The following GRIP1 variants were observed in gnomAD, a reference collection of about 807,000 sequenced individuals.
GRIP1 encodes the protein glutamate receptor-interacting protein 1.
GRIP1 carries 45 observed loss-of-function variants against 129.9 expected under a neutral mutation model. The observed-to-expected ratio is 0.35, with a 90% CI of 0.27 to 0.44. The LOEUF is 0.44. GRIP1 is among the 20% of genes least tolerant of loss of function. GRIP1 has a pLI of 1.00. For synonymous variants in GRIP1, 530 were observed against 520.8 expected (o/e 1.02, Z -0.24); for missense variants, 1,196 against 1,396.8 (o/e 0.86, Z 2.29).
chr12:66,952,587 A>AT lies in GRIP1; in HGVS notation c.58+116462dup, dbSNP rs1373461217. On this transcript the variant is annotated intron_variant, in intron 1 of 1. Coordinates refer to the GRIP1 transcript ENST00000643019. ...TTGTTCATTTTTCTCCTTATTGATC[A>AT]TATCACCTTGCTCTTAGCTATGGTA... is the stretch of plus-strand genomic sequence containing the variant. Among the ~76,000 whole-genome samples the AT allele has an allele frequency of 2.0e-5, 3 of 152,340 alleles. No homozygotes were observed. In the East Asian group the frequency reaches 5.8e-4, roughly 29 times the overall value.
chr12:67,034,000 A>G (rs1231939218), intron 1 of GRIP1, among the ~76,000 whole-genome samples: 1 of 152,152 alleles, frequency 6.6e-6, no homozygotes, highest in Non-Finnish European at 1.5e-5. Flanking sequence ...CTGATGAAAA[A>G]CTTAAATTGT....
chr12:66,804,178 C>T (rs748232242), exon 1 of GRIP1: 2 of 455,330 alleles, frequency 4.4e-6, no homozygotes, highest in South Asian at 3.1e-5. Context: ...ACCCAGGAAG[C>T]GGTCCATCTC....
chr12:66,835,527 T>C (rs1438784674), intron 1 of GRIP1, among the ~76,000 whole-genome samples: 1 of 152,078 alleles, frequency 6.6e-6, no homozygotes, highest in Non-Finnish European at 1.5e-5. Context: ...GGTGACGGGA[T>C]AAATAAACTG....
At chr12:66,376,592 A>G (rs562664837) in intron 22 of GRIP1, among the ~76,000 whole-genome samples, 48 of 152,320 alleles carry the variant, frequency 3.2e-4, no homozygotes, top group African/African-American at 1.1e-3. Flanking sequence ...ATTAACAGCA[A>G]TGTACTGTGT....
chr12:66,996,059 A>C (rs1441318589), intron 1 of GRIP1, among the ~76,000 whole-genome samples: 1 of 152,196 alleles, frequency 6.6e-6, no homozygotes, highest in Non-Finnish European at 1.5e-5. Flanking sequence ...TATTGTATGA[A>C]TCCATTTATA....
intron 2 of GRIP1, among the ~76,000 whole-genome samples, chr12:66,591,479 T>C (rs2063844460): frequency 6.6e-6 from 1 of 151,794 alleles, no homozygotes; most frequent in Admixed American, 6.6e-5. Flanking sequence ...CCCTTGGTAT[T>C]TTCCCCATGT....
At position 66,675,729 on chromosome 12, in the gene GRIP1, T is replaced by C. The variant is rs554979993; in HGVS notation, c.55+3121A>G. Among the ~76,000 whole-genome samples the C allele has an allele frequency of 1.6e-4, 25 of 152,342 alleles. No homozygotes were observed. In the South Asian group the frequency reaches 4.6e-3, roughly 28 times the overall value. On this transcript the variant is annotated intron_variant, in intron 1 of 24. Transcript: ENST00000359742. ...TTGGGTAATTGGTAGACTCTCATTC[T>C]GGAGGAAGAAAAGAACGGCATTGCT...
At chr12:66,836,753 T>C (rs917064877) in intron 1 of GRIP1, among the ~76,000 whole-genome samples, 1 of 152,220 alleles carries the variant, frequency 6.6e-6, no homozygotes. Context: ...AGTGTTCACA[T>C]TTATGAACTT....
intron 1 of GRIP1, among the ~76,000 whole-genome samples, chr12:66,940,523 C>T (rs1004066107): frequency 1.3e-5 from 2 of 152,102 alleles, no homozygotes; most frequent in Admixed American, 1.3e-4. Context: ...GGTGGCAGTG[C>T]ATCAGTAAAG....
chr12:66,808,462 T>C (rs1266048651), upstream of GRIP1, among the ~76,000 whole-genome samples: 1 of 152,080 alleles, frequency 6.6e-6, no homozygotes, highest in African/African-American at 2.4e-5. Context: ...CATGTCCAGC[T>C]ACTTTTTGTG....
chr12:66,831,317 T>C (rs1377362193), intron 1 of GRIP1, among the ~76,000 whole-genome samples: 1 of 152,212 alleles, frequency 6.6e-6, no homozygotes, highest in Non-Finnish European at 1.5e-5. Context: ...TCATGCTGAT[T>C]TATTCACATT....
intron 1 of GRIP1, among the ~76,000 whole-genome samples, chr12:66,641,715 G>C (rs1468805868): frequency 6.6e-6 from 1 of 152,120 alleles, no homozygotes; most frequent in Non-Finnish European, 1.5e-5. Context: ...TGAGAATTTT[G>C]TAAAGACCTG....
intron 7 of GRIP1, among the ~76,000 whole-genome samples, chr12:66,483,798 G>C (rs1220836139): frequency 3.9e-5 from 6 of 151,926 alleles, no homozygotes; most frequent in African/African-American, 1.5e-4. Context: ...AACATTACCA[G>C]CATCAAATAA....
chr12:66,680,174 CTT>C (rs901455225), upstream of GRIP1, among the ~76,000 whole-genome samples: 6 of 152,150 alleles, frequency 3.9e-5, no homozygotes, highest in African/African-American at 1.2e-4. Flanking sequence ...ATTTCTAGGA[CTT>C]TATGAATTAT....
intron 22 of GRIP1, among the ~76,000 whole-genome samples, chr12:66,375,581 C>G (rs2055747242): frequency 6.6e-6 from 1 of 152,150 alleles, no homozygotes; most frequent in Non-Finnish European, 1.5e-5. Context: ...AATCATTCAT[C>G]CTAGTTGAGG....
At chr12:66,496,946 T>G (rs1172585022) in intron 7 of GRIP1, among the ~76,000 whole-genome samples, 1 of 152,026 alleles carries the variant, frequency 6.6e-6, no homozygotes, top group African/African-American at 2.4e-5. Flanking sequence ...TGAATAAGAA[T>G]ACAAATTGCT....
Position 66,462,823 on chromosome 12 carries a change from A to AAC in GRIP1, c.1042+100_1042+101insGT, listed in dbSNP as rs1592367661. 35 of 656,152 alleles carry AAC rather than the reference A, an allele frequency of 5.3e-5. No individual in the cohort carries two copies. In the East Asian group the frequency reaches 8.3e-4, roughly 16 times the overall value. The allele number at this position is 656,152 out of a possible 1,614,324, so 40.6% of individuals were successfully genotyped here. A position where few individuals can be genotyped will look rare whatever the true frequency, so the allele number is the denominator to read the frequency against. On this transcript the variant is annotated intron_variant, in intron 9 of 24. Transcript: ENST00000359742. ...TCTCAAAAAAAAAAAAAAAAAAAAA[A>AAC]GGCAGAATGAGACCCAGTGTCTTTC...
At chr12:66,461,158 G>A in intron 9 of GRIP1, among the ~76,000 whole-genome samples, 1 of 151,958 alleles carries the variant, frequency 6.6e-6, no homozygotes, top group Middle Eastern at 3.2e-3. Flanking sequence ...GCCTTGGCAG[G>A]TTAAAAAATT....
chr12:66,814,589 T>TAAAAAAAAAAAAAAAAAAAAAAA (rs79461500), intron 1 of GRIP1, among the ~76,000 whole-genome samples: 1 of 108,422 alleles, frequency 9.2e-6, no homozygotes. Flanking sequence ...AGTGATACCA[T>TAAAAAAAAAAAAAAAAAAAAAAA]AAAAAAAAAA....
Sources: allele counts gnomAD v4.1 joint callset (sites outside exome capture counted in the v4.1 genomes callset), GRCh38; gene constraint gnomAD v4.1.1; transcripts MANE v1.5; gene names NCBI Gene and HGNC (gene_info 2026-07-23, HGNC 2026-07-21).